Variants in OSBPL9 observed in about 807,000 individuals in gnomAD.
The protein encoded by OSBPL9 is oxysterol binding protein like 9, also known as oxysterol-binding protein-related protein 9.
Under a neutral mutation model 106.6 loss-of-function variants are expected in OSBPL9, and 40 were observed. The observed-to-expected ratio is 0.38, with a 90% CI of 0.29 to 0.49. OSBPL9 has a LOEUF of 0.49. OSBPL9 is among the 20% of genes least tolerant of loss of function. The pLI, the probability that OSBPL9 is intolerant of heterozygous loss-of-function variation, is 0.97. For synonymous variants in OSBPL9, 269 were observed against 295.4 expected (o/e 0.91, Z 0.92); for missense variants, 609 against 887.2 (o/e 0.69, Z 3.98).
At chr1:51,768,098 C>T (rs1030279788) in intron 12 of OSBPL9, among the ~76,000 whole-genome samples, 6 of 151,632 alleles carry the variant, frequency 4.0e-5, no homozygotes, top group African/African-American at 9.7e-5. Flanking sequence ...CCCGCCACCA[C>T]GCCTGGCTAG....
At chr1:51,656,783 C>T (rs1349476515) in intron 2 of OSBPL9, among the ~76,000 whole-genome samples, 1 of 152,070 alleles carries the variant, frequency 6.6e-6, no homozygotes, top group Admixed American at 6.6e-5. Flanking sequence ...CCTCAACCTG[C>T]TGAGTAGCTA....
chr1:51,539,940 T>C, the OSBPL9 span, among the ~76,000 whole-genome samples: 1 of 152,232 alleles, frequency 6.6e-6, no homozygotes, highest in South Asian at 2.1e-4. Context: ...ACTCATCTCA[T>C]GCTTCCTTTT....
the OSBPL9 span, among the ~76,000 whole-genome samples, chr1:51,564,167 C>T: frequency 6.6e-6 from 1 of 151,922 alleles, no homozygotes; most frequent in East Asian, 1.9e-4. Flanking sequence ...CCCTCTGCCC[C>T]CTCCCATCAT....
chr1:51,537,791 T>C, the OSBPL9 span, among the ~76,000 whole-genome samples: 1 of 152,248 alleles, frequency 6.6e-6, no homozygotes, highest in Admixed American at 6.5e-5. Context: ...ACCTCCTACT[T>C]TGGCCTCCCA....
chr1:51,549,524 T>A, the OSBPL9 span, among the ~76,000 whole-genome samples: 1 of 152,218 alleles, frequency 6.6e-6, no homozygotes. Flanking sequence ...GGCTGTTGGA[T>A]ATAGTCATTT....
intron 4 of OSBPL9, among the ~76,000 whole-genome samples, chr1:51,718,125 C>A (rs1407563436): frequency 6.6e-6 from 1 of 152,184 alleles, no homozygotes; most frequent in African/African-American, 2.4e-5. Context: ...TTCACATGTT[C>A]TCACTTATTT....
At chr1:51,694,502 T>G (rs1452084645) in intron 3 of OSBPL9, among the ~76,000 whole-genome samples, 1 of 152,232 alleles carries the variant, frequency 6.6e-6, no homozygotes, top group Non-Finnish European at 1.5e-5. Context: ...CACCAAAATT[T>G]AAGTGATAGT....
intron 4 of OSBPL9, among the ~76,000 whole-genome samples, chr1:51,724,475 G>A (rs1471319258): frequency 2.7e-5 from 4 of 150,914 alleles, no homozygotes; most frequent in African/African-American, 9.7e-5. Flanking sequence ...AGTAGAGACG[G>A]GGGTTCCACC....
chr1:51,608,282 T>C (rs1643962142), intron 2 of OSBPL9, among the ~76,000 whole-genome samples: 1 of 152,000 alleles, frequency 6.6e-6, no homozygotes, highest in South Asian at 2.1e-4. Context: ...CTGCGACCAA[T>C]TATTATTTTA....
chr1:51,712,085 G>A (rs1481521587), intron 3 of OSBPL9, among the ~76,000 whole-genome samples: 20 of 151,030 alleles, frequency 1.3e-4, no homozygotes, highest in African/African-American at 3.9e-4. Flanking sequence ...AGGTTGTAGC[G>A]AGCCGAGATC....
chr1:51,664,669 G>A (rs982432423), intron 2 of OSBPL9, among the ~76,000 whole-genome samples: 6 of 152,100 alleles, frequency 3.9e-5, no homozygotes, highest in African/African-American at 9.7e-5. Flanking sequence ...TCCAACCTTG[G>A]CAACAGAGTA....
intron 1 of OSBPL9, among the ~76,000 whole-genome samples, chr1:51,619,146 A>G (rs1644268393): frequency 6.6e-6 from 1 of 152,208 alleles, no homozygotes; most frequent in Admixed American, 6.6e-5. Flanking sequence ...GAAAAGTAAT[A>G]TTGGGTTTAA....
chr1:51,536,338 G>A, the OSBPL9 span, among the ~76,000 whole-genome samples: 4,832 of 151,786 alleles, frequency 0.032, 126 homozygotes, highest in East Asian at 0.13. Context: ...ACAGGATCGC[G>A]CTCTGTCACC....
At chr1:51,742,109 G>GCCAT (rs1284066105) in intron 4 of OSBPL9, among the ~76,000 whole-genome samples, 1 of 152,184 alleles carries the variant, frequency 6.6e-6, no homozygotes, top group Non-Finnish European at 1.5e-5. Flanking sequence ...TGTAGCCAGC[G>GCCAT]CCATGTGTGT....
At chr1:51,715,532 C>T (rs556522774) in intron 4 of OSBPL9, among the ~76,000 whole-genome samples, 1 of 152,180 alleles carries the variant, frequency 6.6e-6, no homozygotes, top group East Asian at 1.9e-4. Context: ...GCAACCTCCA[C>T]CCCGTGCGTT....
chr1:51,782,056 A>G (rs1262366526), intron 16 of OSBPL9, among the ~76,000 whole-genome samples: 1 of 152,172 alleles, frequency 6.6e-6, no homozygotes, highest in Admixed American at 6.5e-5. Context: ...TAGCTACAGA[A>G]GAGTAGGTAA....
the OSBPL9 span, among the ~76,000 whole-genome samples, chr1:51,564,742 T>G: frequency 6.8e-4 from 103 of 152,332 alleles, no homozygotes; most frequent in Non-Finnish European, 1.2e-3. Context: ...CATCCTATCC[T>G]GGGGGCTATA....
chr1:51,519,183 G>A, the OSBPL9 span: 3 of 1,440,800 alleles, frequency 2.1e-6, no homozygotes, highest in South Asian at 2.9e-5. Flanking sequence ...CCCGGCGGAC[G>A]GGCGTGTGGC....
At chr1:51,693,842 C>G (rs921462110) in intron 3 of OSBPL9, among the ~76,000 whole-genome samples, 2 of 152,226 alleles carry the variant, frequency 1.3e-5, no homozygotes, top group Admixed American at 6.5e-5. Context: ...ATCTGATTAT[C>G]TAAGTGGAAT....
Sources: allele counts gnomAD v4.1 joint callset (sites outside exome capture counted in the v4.1 genomes callset), GRCh38; gene constraint gnomAD v4.1.1; transcripts MANE v1.5; gene names NCBI Gene and HGNC (gene_info 2026-07-23, HGNC 2026-07-21).